The following CNTN4 variants were observed in gnomAD, a reference collection of about 807,000 sequenced individuals.
CNTN4 encodes contactin 4, also known as contactin-4.
In CNTN4, 77 loss-of-function variants were observed where a neutral mutation model predicts 122.5. The observed-to-expected ratio is 0.63, with a 90% CI of 0.52 to 0.76. The LOEUF is 0.76. Among genes scored for constraint, CNTN4 ranks in the 30% least tolerant of loss-of-function variants. The pLI is 0.00. For missense variants in CNTN4, 1,256 were observed against 1,259.1 expected, an observed-to-expected ratio of 1.00 and a Z score of 0.04; for synonymous variants, 512 against 447.0, an observed-to-expected ratio of 1.15 and a Z score of -1.83.
At position 2,590,871 on chromosome 3, in the gene CNTN4, T is replaced by TA. The variant is rs559704619; in HGVS notation, c.55+19323dup. 9.9e-3 allele frequency among the ~76,000 whole-genome samples: 1,466 copies of TA among 147,772 alleles called. 14 individuals are homozygous for TA. Among genetic ancestry groups the TA allele is most frequent in the Non-Finnish European group, 0.014 (907 of 66,614 alleles). ...CTGTATCATTTGTTTTCTCTTTTAT[T>TA]AAAAAAAAAAGCTGTATTGAAGTAT... On this transcript the variant is annotated intron_variant, in intron 4 of 24. Transcript: ENST00000418658.
Position 2,785,682 on chromosome 3 carries a change from G to T in CNTN4, c.359-33804G>T, listed in dbSNP as rs75634428. The stretch of plus-strand genomic sequence containing the variant: ...AATGAGTGGTCAGGAAAACCCCTCA[G>T]ATGGCAGGATTACATTGCATAATTT... On this transcript the variant is annotated intron_variant, in intron 6 of 24. Coordinates refer to ENST00000418658, the MANE Select transcript of CNTN4 (RefSeq NM_175607.3). 9.7e-3 allele frequency among the ~76,000 whole-genome samples: 1,481 copies of T among 152,284 alleles called. 19 individuals are homozygous for T. The highest frequency in any genetic ancestry group is 0.034 in the African/African-American group (1,396 of 41,546).
intron 12 of CNTN4, among the ~76,000 whole-genome samples, chr3:2,917,298 C>T (rs917514549): frequency 7.4e-5 from 11 of 148,726 alleles, no homozygotes; most frequent in African/African-American, 1.3e-4. Flanking sequence ...AAGCGGGAGG[C>T]GGAGACGAGG....
chr3:2,655,219 TC>T (rs1244315316), intron 4 of CNTN4, among the ~76,000 whole-genome samples: 1 of 152,202 alleles, frequency 6.6e-6, no homozygotes, highest in African/African-American at 2.4e-5. Context: ...GCCTTTTGAA[TC>T]ATTAACTCTG....
At chr3:2,283,509 C>T (rs2041798964) in intron 2 of CNTN4, among the ~76,000 whole-genome samples, 1 of 152,008 alleles carries the variant, frequency 6.6e-6, no homozygotes, top group Non-Finnish European at 1.5e-5. Flanking sequence ...GCAGTACATG[C>T]CATATAATGG....
chr3:2,433,568 C>G (rs1244370255), intron 3 of CNTN4, among the ~76,000 whole-genome samples: 1 of 152,076 alleles, frequency 6.6e-6, no homozygotes, highest in African/African-American at 2.4e-5. Context: ...TTCCCCCAAT[C>G]TGTGGTTGTC....
At chr3:2,620,908 G>A (rs2081965278) in intron 4 of CNTN4, among the ~76,000 whole-genome samples, 1 of 152,076 alleles carries the variant, frequency 6.6e-6, no homozygotes, top group African/African-American at 2.4e-5. Context: ...TTGAACAAAA[G>A]GAGACTATAC....
chr3:3,030,057 C>G (rs1246665137), intron 15 of CNTN4, among the ~76,000 whole-genome samples: 1 of 152,116 alleles, frequency 6.6e-6, no homozygotes, highest in Admixed American at 6.5e-5. Context: ...AGGGTGGTCT[C>G]TTCATCAAGC....
Position 2,229,229 on chromosome 3 carries a change from C to T in CNTN4, c.-144-109949C>T, listed in dbSNP as rs562509318. Reference sequence around the variant, plus strand: ...TTTCATCATTTATCTCATTGGACCACAGTAAATGATTATTGCATTAGGATG... The same window carrying T: ...TTTCATCATTTATCTCATTGGACCATAGTAAATGATTATTGCATTAGGATG... On this transcript the variant is annotated intron_variant, in intron 2 of 24. Transcript: ENST00000418658. Among the ~76,000 whole-genome samples the T allele has an allele frequency of 2.6e-5, 4 of 152,186 alleles. No individual in the cohort carries two copies. The East Asian group carries it at 7.7e-4, about 29-fold the overall frequency.
intron 3 of CNTN4, among the ~76,000 whole-genome samples, chr3:2,433,827 T>C (rs938230185): frequency 1.3e-5 from 2 of 152,196 alleles, no homozygotes. Context: ...CCAATTTCAT[T>C]CTACTTGCGA....
At chr3:2,891,282 T>C (rs897790696) in intron 10 of CNTN4, among the ~76,000 whole-genome samples, 4 of 151,966 alleles carry the variant, frequency 2.6e-5, no homozygotes, top group African/African-American at 9.7e-5. Context: ...CCGTCTCTAC[T>C]AAAATATAAA....
intron 3 of CNTN4, among the ~76,000 whole-genome samples, chr3:2,399,498 T>C (rs1351443281): frequency 6.6e-6 from 1 of 152,116 alleles, no homozygotes; most frequent in Non-Finnish European, 1.5e-5. Flanking sequence ...TGAAAATAAG[T>C]TATGCTAACT....
At chr3:2,495,152 A>G (rs972325572) in intron 3 of CNTN4, among the ~76,000 whole-genome samples, 4 of 152,328 alleles carry the variant, frequency 2.6e-5, no homozygotes, top group African/African-American at 9.6e-5. Flanking sequence ...CATAATCAAT[A>G]TTTAATAGCA....
chr3:2,763,206 A>G (rs1290151002), intron 6 of CNTN4, among the ~76,000 whole-genome samples: 1 of 152,108 alleles, frequency 6.6e-6, no homozygotes, highest in Admixed American at 6.5e-5. Flanking sequence ...CGGCCTCCCA[A>G]AGTGCTGGGA....
chr3:2,928,401 A>G (rs956464493), intron 13 of CNTN4, among the ~76,000 whole-genome samples: 10 of 152,334 alleles, frequency 6.6e-5, no homozygotes, highest in Admixed American at 2.6e-4. Context: ...AAGAGGGAAA[A>G]TTAAGTGGAT....
At chr3:2,877,936 G>A (rs1309873954) in intron 8 of CNTN4, among the ~76,000 whole-genome samples, 2 of 152,200 alleles carry the variant, frequency 1.3e-5, no homozygotes, top group African/African-American at 4.8e-5. Flanking sequence ...CATATCCTGT[G>A]CTAGTTGTAA....
intron 3 of CNTN4, among the ~76,000 whole-genome samples, chr3:2,537,013 AAT>A (rs764525258): frequency 3.7e-4 from 57 of 152,104 alleles, no homozygotes; most frequent in Non-Finnish European, 7.9e-4. Context: ...TTTTGTGCCT[AAT>A]ATATGAGTAG....
At chr3:2,486,966 G>A (rs2076180106) in intron 3 of CNTN4, among the ~76,000 whole-genome samples, 1 of 152,080 alleles carries the variant, frequency 6.6e-6, no homozygotes, top group Non-Finnish European at 1.5e-5. Context: ...AAAAAAATAA[G>A]TTAGGCGATC....
intron 2 of CNTN4, among the ~76,000 whole-genome samples, chr3:2,285,435 T>G (rs545759734): frequency 5.9e-5 from 9 of 152,250 alleles, no homozygotes; most frequent in African/African-American, 2.2e-4. Context: ...AGGAAACACT[T>G]AAGATTGCAT....
intron 12 of CNTN4, among the ~76,000 whole-genome samples, chr3:2,904,767 C>T (rs1431785263): frequency 1.3e-5 from 2 of 152,212 alleles, no homozygotes; most frequent in Non-Finnish European, 2.9e-5. Context: ...CTCTACTCTA[C>T]TCTATATCAG....
Sources: gnomAD v4.1 joint callset for allele counts (sites outside exome capture counted in the v4.1 genomes callset) on GRCh38, gnomAD v4.1.1 for gene constraint, MANE v1.5 for transcripts, NCBI Gene and HGNC (gene_info 2026-07-23, HGNC 2026-07-21) for gene names.